Variants in SCN9A observed in about 807,000 individuals in gnomAD.
The protein encoded by SCN9A is sodium channel protein type 9 subunit alpha.
SCN9A carries 131 observed loss-of-function variants against 187.0 expected under a neutral mutation model. That is an observed-to-expected ratio of 0.70 (90% CI 0.61 to 0.81). The LOEUF is 0.81. Ranked by LOEUF, SCN9A falls within the 30% of genes least tolerant of loss-of-function variation. The pLI, the probability that SCN9A is intolerant of heterozygous loss-of-function variation, is 0.00. For synonymous variants in SCN9A, 809 were observed against 808.6 expected (o/e 1.00, Z -0.01); for missense variants, 2,252 against 2,396.6 (o/e 0.94, Z 1.26).
At chr2:166,277,397 A>G in intron 15 of SCN9A, 58 bp from the exon 16 acceptor site, 1 of 1,205,696 alleles carries the variant, frequency 8.3e-7, no homozygotes. Flanking sequence ...CAATGTTTCC[A>G]ATCTTGATTT....
chr2:166,240,335 G>C (rs1209878365), intron 19 of SCN9A, among the ~76,000 whole-genome samples: 2 of 152,116 alleles, frequency 1.3e-5, no homozygotes, highest in Non-Finnish European at 2.9e-5. Context: ...ACGTGTCATG[G>C]GGGTTTGCTA....
rs1187677722 is a variant in SCN9A, at chr2:166,340,586, CTTTCTTTCTTTCTTTCTT to C, written c.-50-28798_-50-28781del. On this transcript the variant is annotated intron_variant, in intron 1 of 26. Transcript: ENST00000642356. ...TCTTTCTTTCTTTCTTTCTTTCTTT[CTTTCTTTCTTTCTTTCTT>C]TTTCTTTCTTTCTTTCCTTTCTCTT... 1.0e-3 allele frequency among the ~76,000 whole-genome samples: 65 copies of C among 62,314 alleles called. 4 individuals are homozygous for C. The highest frequency in any genetic ancestry group is 4.2e-3 in the Admixed American group (28 of 6,618). The allele number at this position is 62,314 out of a possible 152,430, so 40.9% of individuals were successfully genotyped here. A position where few individuals can be genotyped will look rare whatever the true frequency, so the allele number is the denominator to read the frequency against.
intron 1 of SCN9A, among the ~76,000 whole-genome samples, chr2:166,330,137 T>C (rs1699465818): frequency 6.6e-6 from 1 of 152,210 alleles, no homozygotes; most frequent in South Asian, 2.1e-4. Flanking sequence ...AACTTACTTG[T>C]ATTGTGGATA....
intron 18 of SCN9A, among the ~76,000 whole-genome samples, chr2:166,244,264 T>C (rs143456294): frequency 0.013 from 2,050 of 152,140 alleles, 53 homozygotes; most frequent in African/African-American, 0.047. Context: ...AGAACAGTTT[T>C]TGAGGTCACA....
chr2:166,293,428 A>G lies in SCN9A; in HGVS notation c.966-56T>C, dbSNP rs186786851. On this transcript the variant is annotated intron_variant, in intron 8 of 26. Coordinates refer to ENST00000642356, the MANE Select transcript of SCN9A (RefSeq NM_001365536.1). ...AGTGTCTTCAGGACACAAGCTAAATAGCCTTACTGAAAAGTTACAAACTCA... is the reference window on the plus strand; with the variant it reads ...AGTGTCTTCAGGACACAAGCTAAATGGCCTTACTGAAAAGTTACAAACTCA... 1.4e-4 allele frequency: 199 copies of G among 1,443,854 alleles called. 2 individuals carry two copies. The East Asian group carries it at 4.1e-3, about 29-fold the overall frequency. The allele number at this position is 1,443,854 out of a possible 1,614,324, so 89.4% of individuals were successfully genotyped here. A position where few individuals can be genotyped will look rare whatever the true frequency, so the allele number is the denominator to read the frequency against.
chr2:166,361,127 G>A (rs1473816001), intron 1 of SCN9A, among the ~76,000 whole-genome samples: 2 of 150,828 alleles, frequency 1.3e-5, no homozygotes, highest in Admixed American at 6.6e-5. Context: ...ATCCTTTAAG[G>A]TTATTTTAGT....
intron 18 of SCN9A, chr2:166,249,482 C>T (rs897906295): frequency 4.6e-5 from 7 of 152,046 alleles, no homozygotes; most frequent in Non-Finnish European, 1.0e-4. Context: ...ATTTATTAGG[C>T]TACAGATCCA....
At chr2:166,246,588 T>A (rs1263031135) in intron 18 of SCN9A, among the ~76,000 whole-genome samples, 1 of 152,042 alleles carries the variant, frequency 6.6e-6, no homozygotes, top group Non-Finnish European at 1.5e-5. Context: ...TTTTTTAATA[T>A]TAACTTAGTG....
Position 166,233,399 on chromosome 2 carries a change from G to A in SCN9A, c.3865C>T (p.Leu1289Phe). The A allele has an allele frequency of 6.3e-7, 1 of 1,582,240 alleles. No homozygotes were observed. The highest frequency in any genetic ancestry group is 8.6e-7 in the Non-Finnish European group (1 of 1,167,700). ...GYSDLGPIKS[L>F]RTLRALRPLR... ...GGTCTTAAAGCTCTCAGTGTCCGAA[G>A]GGATTTAATGGGGCCAAGATCTGAG... Residue 1289 changes from leucine to phenylalanine, a missense_variant, in exon 21 of 27, where the codon CTT (leucine) becomes TTT (phenylalanine). Leu to Phe is a conservative substitution (Grantham distance 22). This residue lies in a region of SCN9A where 368 missense variants were observed against 408.6 expected (regional missense o/e 0.90). Coordinates refer to ENST00000642356, the MANE Select transcript of SCN9A (RefSeq NM_001365536.1).
intron 17 of SCN9A, among the ~76,000 whole-genome samples, chr2:166,265,536 G>A (rs1337963169): frequency 6.6e-6 from 1 of 151,806 alleles, no homozygotes; most frequent in Non-Finnish European, 1.5e-5. Context: ...TATGTTTACT[G>A]TATCTCTTCA....
At chr2:166,292,034 C>T (rs1173774142) in intron 9 of SCN9A, among the ~76,000 whole-genome samples, 1 of 152,072 alleles carries the variant, frequency 6.6e-6, no homozygotes, top group African/African-American at 2.4e-5. Flanking sequence ...GACAAAAATA[C>T]CAAAAGCAAT....
intron 20 of SCN9A, among the ~76,000 whole-genome samples, chr2:166,234,873 G>A (rs574471129): frequency 3.9e-5 from 6 of 152,232 alleles, no homozygotes; most frequent in African/African-American, 1.4e-4. Flanking sequence ...AGGTCATGAA[G>A]GTTCTGCCTT....
intron 1 of SCN9A, among the ~76,000 whole-genome samples, chr2:166,317,785 A>G (rs1699142923): frequency 6.6e-6 from 1 of 152,184 alleles, no homozygotes; most frequent in Non-Finnish European, 1.5e-5. Context: ...TCTGGCCTTC[A>G]AATTTCCATT....
At chr2:166,336,969 G>GATGT (rs1343379091) in intron 1 of SCN9A, among the ~76,000 whole-genome samples, 4 of 152,130 alleles carry the variant, frequency 2.6e-5, no homozygotes, top group Non-Finnish European at 5.9e-5. Flanking sequence ...GAGGAAGGTA[G>GATGT]ATGTATGATT....
chr2:166,357,795 G>T (rs1278369966), intron 1 of SCN9A, among the ~76,000 whole-genome samples: 4 of 152,052 alleles, frequency 2.6e-5, no homozygotes, highest in Admixed American at 1.3e-4. Flanking sequence ...AATAAAGCTT[G>T]CATTGCTTGA....
intron 1 of SCN9A, among the ~76,000 whole-genome samples, chr2:166,343,560 A>C (rs931590996): frequency 6.6e-6 from 1 of 152,132 alleles, no homozygotes; most frequent in Non-Finnish European, 1.5e-5. Context: ...TTCTTGTTGC[A>C]TGTGATAACA....
intron 1 of SCN9A, among the ~76,000 whole-genome samples, chr2:166,337,109 G>T (rs938776151): frequency 5.9e-5 from 9 of 152,052 alleles, no homozygotes; most frequent in African/African-American, 1.4e-4. Flanking sequence ...ATTGGTGGGG[G>T]TATGGAAACA....
At chr2:166,328,103 C>A (rs1699408380) in intron 1 of SCN9A, among the ~76,000 whole-genome samples, 1 of 152,068 alleles carries the variant, frequency 6.6e-6, no homozygotes, top group African/African-American at 2.4e-5. Context: ...GGTTTTGTAG[C>A]CTTTGTAGTC....
At position 166,198,508 on chromosome 2, in the gene SCN9A, C is replaced by T. The variant is rs1158330162; in HGVS notation, c.*164G>A. 3.4e-6 allele frequency: 2 copies of T among 587,626 alleles called. No individual in the cohort carries two copies. Among genetic ancestry groups the T allele is most frequent in the Non-Finnish European group, 6.0e-6 (2 of 335,314 alleles). 36.4% of individuals were successfully genotyped at this position (587,626 alleles called of 1,614,324 possible). ...GAATCATCAGTGCAAAAATAACCAT[C>T]TGCTAATGCTGCCCACCTTTCTTAG... On this transcript the variant is annotated 3_prime_UTR_variant, in exon 27 of 27. Coordinates refer to ENST00000642356, the MANE Select transcript of SCN9A (RefSeq NM_001365536.1).
Sources: gnomAD v4.1 joint callset for allele counts (sites outside exome capture counted in the v4.1 genomes callset) on GRCh38, gnomAD v4.1.1 for gene constraint, gnomAD v4.1.1 regional missense constraint, MANE v1.5 for transcripts, NCBI Gene and HGNC (gene_info 2026-07-23, HGNC 2026-07-21) for gene names.